The following ZIC3 variants were observed in gnomAD, a reference collection of about 807,000 sequenced individuals.
The protein encoded by ZIC3 is zinc finger protein ZIC 3.
ZIC3 carries 6 observed loss-of-function variants against 18.3 expected under a neutral mutation model. That is an observed-to-expected ratio of 0.33 (90% CI 0.18 to 0.65). The LOEUF is 0.65. Ranked by LOEUF, ZIC3 falls within the 30% of genes least tolerant of loss-of-function variation. The pLI is 0.75. For synonymous variants in ZIC3, 175 were observed against 177.0 expected, an observed-to-expected ratio of 0.99 and a Z score of 0.09; for missense variants, 260 against 410.0, an observed-to-expected ratio of 0.63 and a Z score of 3.16.
chrX:137,567,035 C>T lies in ZIC3; in HGVS notation c.344C>T (p.Thr115Met). The T allele has an allele frequency of 8.6e-7, 1 of 1,169,002 alleles. No individual in the cohort carries two copies. The highest frequency in any genetic ancestry group is 1.1e-6 in the Non-Finnish European group (1 of 874,005). The change falls in exon 1 of 3, where the codon ACG becomes ATG. Residue 115 changes from threonine to methionine, a missense_variant. By Grantham distance (81) the Thr-to-Met change is moderately conservative (BLOSUM62 -1). Transcript: ENST00000287538. ...GGAASAAFNS[T>M]REFLFRQRSS... ...GCTGCCTCTGCCGCCTTCAACTCAA[C>T]GCGCGAGTTTCTGTTCCGCCAGCGC... is the stretch of plus-strand genomic sequence containing the variant.
At chrX:137,574,730 G>C (rs1218931412), downstream of ZIC3, among the ~76,000 whole-genome samples, 2 of 112,810 alleles carry the variant, frequency 1.8e-5, no homozygotes, top group Non-Finnish European at 3.8e-5. Flanking sequence ...GTGGGAAGGG[G>C]GGCTGGTTTT....
chrX:137,573,889 C>CG (rs751837263), downstream of ZIC3: 1,346 of 108,376 alleles, frequency 0.012, 28 homozygotes, highest in East Asian at 0.11. Flanking sequence ...GAGGCTCGGG[C>CG]GGGGGGGGAA....
chrX:137,575,107 T>C (rs1931498779), downstream of ZIC3, among the ~76,000 whole-genome samples: 1 of 111,972 alleles, frequency 8.9e-6, no homozygotes, highest in Non-Finnish European at 1.9e-5. Flanking sequence ...CAGGCCCCGG[T>C]CGGGATTCCA....
In ZIC3 at chrX:137,567,353, C is replaced by CCATGAA. The variant is rs779610526; in HGVS notation, c.673_678dup (p.Asn225_Met226dup). 14 of 1,209,964 alleles carry CCATGAA rather than the reference C, an allele frequency of 1.2e-5. No homozygotes were observed. Among genetic ancestry groups the CCATGAA allele is most frequent in the Non-Finnish European group, 1.5e-5 (13 of 895,304 alleles). The stretch of plus-strand genomic sequence containing the variant: ...GGCGCTCAGTTTCCTAACTACAGCC[C>CCATGAA]CATGAACATGAACATGGGAGTGAAC... On this transcript the variant is annotated inframe_insertion, in exon 1 of 3. Coordinates refer to ENST00000287538, the MANE Select transcript of ZIC3 (RefSeq NM_003413.4).
At chrX:137,567,934 G>A (rs929535196) in intron 1 of ZIC3, among the ~76,000 whole-genome samples, 183 bp downstream of exon 1, 1 of 113,286 alleles carries the variant, frequency 8.8e-6, no homozygotes, top group African/African-American at 3.2e-5. Context: ...TGGCGCCTTT[G>A]CCGAGTTCTA....
In ZIC3 at chrX:137,566,989, C is replaced by T. The variant is rs2124183548; in HGVS notation, c.298C>T (p.Gln100Ter). The T allele has an allele frequency of 8.6e-7, 1 of 1,166,722 alleles. No homozygotes were observed. Among genetic ancestry groups the T allele is most frequent in the East Asian group, 3.3e-5 (1 of 30,695 alleles). The change falls in exon 1 of 3, where the codon CAG becomes TAG. Residue 100 changes from glutamine to a stop codon, truncating the protein, a stop_gained. Transcript: ENST00000287538. LOFTEE classifies it high-confidence loss of function. ...HHHHHHHHTSQVPSYGGAASA... is the reference protein window; with the variant it reads ...HHHHHHHHTS Reference sequence around the variant, plus strand: ...CCATCACCATCATCACCACACCAGCCAGGTGCCCAGCTACGGTGGCGCTGC... The same window carrying T: ...CCATCACCATCATCACCACACCAGCTAGGTGCCCAGCTACGGTGGCGCTGC...
In ZIC3 at chrX:137,566,389, T is replaced by C. The variant is rs1931338306; in HGVS notation, c.-303T>C. 1 of 379,262 alleles carries C rather than the reference T, an allele frequency of 2.6e-6. No individual in the cohort carries two copies. Among genetic ancestry groups the C allele is most frequent in the Admixed American group, 4.5e-5 (1 of 22,143 alleles). 31.3% of individuals were successfully genotyped at this position (379,262 alleles called of 1,213,427 possible). A position where few individuals can be genotyped will look rare whatever the true frequency, so the allele number is the denominator to read the frequency against. ...CACTTACTATTTTGCTTATTTTTCT[T>C]TGTGCGCGCCTGTTAGTTTGTTAAA... is the stretch of plus-strand genomic sequence containing the variant. On this transcript the variant is annotated 5_prime_UTR_variant, in exon 1 of 3. Coordinates refer to ENST00000287538, the MANE Select transcript of ZIC3 (RefSeq NM_003413.4).
At chrX:137,568,828 T>A in intron 1 of ZIC3, 74 bp from the exon 2 acceptor site, 1 of 1,146,785 alleles carries the variant, frequency 8.7e-7, no homozygotes, top group Non-Finnish European at 1.2e-6. Context: ...GGGAGCTCAG[T>A]CTCCTGCTGC....
chrX:137,575,683 A>G (rs758649393), downstream of ZIC3, among the ~76,000 whole-genome samples: 1 of 111,795 alleles, frequency 8.9e-6, no homozygotes, highest in Non-Finnish European at 1.9e-5. Context: ...AGTGTCACGC[A>G]TTTGGGCTCC....
chrX:137,577,593 A>G (rs1008041398), exon 3 of ZIC3: 3 of 132,241 alleles, frequency 2.3e-5, no homozygotes, highest in African/African-American at 9.4e-5. Flanking sequence ...AAAACTAGAA[A>G]CATGAATTGT....
Sources: gnomAD v4.1 joint callset for allele counts (sites outside exome capture counted in the v4.1 genomes callset) on GRCh38, gnomAD v4.1.1 for gene constraint, MANE v1.5 for transcripts, NCBI Gene and HGNC (gene_info 2026-07-23, HGNC 2026-07-21) for gene names.